The following ARHGAP9 variants were observed in gnomAD, a reference collection of about 807,000 sequenced individuals.
ARHGAP9 encodes rho GTPase-activating protein 9.
In ARHGAP9, 76 loss-of-function variants were observed where a neutral mutation model predicts 87.3. The observed-to-expected ratio is 0.87, with a 90% CI of 0.72 to 1.05. The LOEUF (loss-of-function observed/expected upper bound fraction) is 1.05, where lower values mean the gene tolerates loss of function less well. Ranked by LOEUF, ARHGAP9 falls within the 50% of genes least tolerant of loss-of-function variation. The pLI is 0.00. For synonymous variants in ARHGAP9, 382 were observed against 394.9 expected, an observed-to-expected ratio of 0.97 and a Z score of 0.39; for missense variants, 941 against 960.5, an observed-to-expected ratio of 0.98 and a Z score of 0.27.
At chr12:57,483,249 T>C (rs2139975954), upstream of ARHGAP9, among the ~76,000 whole-genome samples, 1 of 152,326 alleles carries the variant, frequency 6.6e-6, no homozygotes, top group South Asian at 2.1e-4. Flanking sequence ...GCAGCCAACC[T>C]GAATTTATCT....
intron 3 of ARHGAP9, 124 bp downstream of exon 3, chr12:57,478,416 G>C (rs1874516779): frequency 1.1e-5 from 11 of 993,894 alleles, no homozygotes; most frequent in Non-Finnish European, 1.7e-5. Flanking sequence ...CTTATCAGTA[G>C]TACCAAGCGT....
chr12:57,478,855 C>T, intron 2 of ARHGAP9, 98 bp from the exon 3 acceptor site: 1 of 1,241,188 alleles, frequency 8.1e-7, no homozygotes, highest in Non-Finnish European at 1.1e-6. Flanking sequence ...ACAAGAAGGG[C>T]AGAGGGAGGA....
intron 3 of ARHGAP9, 153 bp from the exon 4 acceptor site, chr12:57,477,833 G>A (rs71461326): frequency 1.4e-6 from 2 of 1,467,084 alleles, no homozygotes; most frequent in African/African-American, 2.9e-5. Flanking sequence ...AGAAACCTCA[G>A]GCCCCAGCTG....
Position 57,473,693 on chromosome 12 carries a change from T to G in ARHGAP9, c.1934A>C (p.Glu645Ala). 1.2e-6 allele frequency: 2 copies of G among 1,613,934 alleles called. No individual in the cohort carries two copies. The highest frequency in any genetic ancestry group is 1.7e-6 in the Non-Finnish European group (2 of 1,179,814). ...FRAALALSES[E>A]QCLSQIQELI... Reference sequence around the variant, plus strand: ...TTCTTGTATCTGAGAGAGGCACTGCTCTGATTCGGAGAGTGCTAGAGAGAG... The same window carrying G: ...TTCTTGTATCTGAGAGAGGCACTGCGCTGATTCGGAGAGTGCTAGAGAGAG... Residue 645 changes from glutamate to alanine, a missense_variant, in exon 17 of 18, where the codon GAG becomes GCG. By Grantham distance (107) the Glu-to-Ala change is moderately radical. Coordinates refer to ENST00000393791, the MANE Select transcript of ARHGAP9 (RefSeq NM_032496.4).
Position 57,477,681 on chromosome 12 carries a change from C to A in ARHGAP9, c.535-1G>T, listed in dbSNP as rs769036038. 5.6e-6 allele frequency: 9 copies of A among 1,610,928 alleles called. No homozygotes were observed. The highest frequency in any genetic ancestry group is 1.3e-5 in the African/African-American group (1 of 74,924). On this transcript the variant is annotated splice_acceptor_variant, in intron 3 of 17. Coordinates refer to ENST00000393791, the MANE Select transcript of ARHGAP9 (RefSeq NM_032496.4). LOFTEE classifies it high-confidence loss of function. ...CTGACATGAGGGGCTGGGGGCCTGC[C>A]TGCCAGAAAAGGGGGAAGAAGGAGG...
Position 57,488,289 on chromosome 12 carries a change from C to A in ARHGAP9, c.-204+323G>T, listed in dbSNP as rs1875614026. The A allele has an allele frequency of 3.2e-6, 4 of 1,232,062 alleles. No homozygotes were observed. In the Admixed American group the frequency reaches 5.6e-5, roughly 17 times the overall value. 76.3% of individuals were successfully genotyped at this position (1,232,062 alleles called of 1,614,324 possible). ...GCAGCTGTCTTTGCCAAACCCCTAG[C>A]CCTCGCCACACACCCCAATCGACCA... is the stretch of plus-strand genomic sequence containing the variant. On this transcript the variant is annotated intron_variant, in intron 1 of 20. Coordinates refer to the ARHGAP9 transcript ENST00000393797.
At chr12:57,484,683 T>C (rs1248768657), upstream of ARHGAP9, among the ~76,000 whole-genome samples, 3 of 152,156 alleles carry the variant, frequency 2.0e-5, no homozygotes, top group African/African-American at 4.8e-5. Context: ...TCTCGTTCTG[T>C]TGCCAGCCTG....
chr12:57,485,679 C>G (rs996747465), intron 1 of ARHGAP9, among the ~76,000 whole-genome samples: 2 of 152,000 alleles, frequency 1.3e-5, no homozygotes, highest in Admixed American at 6.5e-5. Flanking sequence ...TGGGCCTGGC[C>G]TAGTTTTTTG....
At position 57,488,777 on chromosome 12, in the gene ARHGAP9, C is replaced by T. The variant is rs539374948; in HGVS notation, c.-369G>A. On this transcript the variant is annotated 5_prime_UTR_variant, in exon 1 of 21. Coordinates refer to the ARHGAP9 transcript ENST00000393797. ...CTTGGCTGCAGCACTATCCCAATAC[C>T]ACCACCTCCTCTGCAGTCCCCATCT... 176 of 965,506 alleles carry T rather than the reference C, an allele frequency of 1.8e-4. No individual in the cohort carries two copies. In the African/African-American group the frequency reaches 2.5e-3, roughly 14 times the overall value. The allele number at this position is 965,506 out of a possible 1,614,324, so 59.8% of individuals were successfully genotyped here.
intron 10 of ARHGAP9, 61 bp from the exon 11 acceptor site, chr12:57,475,676 G>C: frequency 1.9e-6 from 3 of 1,578,474 alleles, no homozygotes; most frequent in Admixed American, 1.8e-5. Flanking sequence ...TCCCTAGCTG[G>C]ACTCTGACCC....
chr12:57,478,424 C>T (rs1594789469), intron 3 of ARHGAP9, 116 bp downstream of exon 3: 2 of 1,058,600 alleles, frequency 1.9e-6, no homozygotes, highest in Non-Finnish European at 2.8e-6. Context: ...TAGTACCAAG[C>T]GTTATCTTAT....
At chr12:57,472,710 G>C (rs975180682) in intron 17 of ARHGAP9, 22 bp from the exon 18 acceptor site, 1 of 1,613,396 alleles carries the variant, frequency 6.2e-7, no homozygotes, top group African/African-American at 1.3e-5. Context: ...GGCCAAGGAA[G>C]GGGATATATG....
At chr12:57,474,234 G>C in intron 15 of ARHGAP9, 58 bp from the exon 16 acceptor site, 1 of 1,592,252 alleles carries the variant, frequency 6.3e-7, no homozygotes, top group Non-Finnish European at 8.6e-7. Flanking sequence ...TAGAGACTGA[G>C]AGATTAGAAG....
chr12:57,477,653 G>A lies in ARHGAP9; in HGVS notation c.562C>T (p.Pro188Ser). The part of the protein sequence containing the change: ...TAGPQPLMSE[P>S]PVYCNLVDLR... Reference sequence around the variant, plus strand: ...TCCACCAGGTTACAGTACACAGGGGGCTCTGACATGAGGGGCTGGGGGCCT... The same window carrying A: ...TCCACCAGGTTACAGTACACAGGGGACTCTGACATGAGGGGCTGGGGGCCT... The change falls in exon 4 of 18, where the codon CCC (proline) becomes TCC (serine). Residue 188 changes from proline to serine, a missense_variant. Pro to Ser is a moderately conservative substitution (Grantham distance 74). Transcript: ENST00000393791. 3 of 1,612,738 alleles carry A rather than the reference G, an allele frequency of 1.9e-6. No homozygotes were observed. The highest frequency in any genetic ancestry group is 2.5e-6 in the Non-Finnish European group (3 of 1,179,196).
chr12:57,488,222 G>A (rs1372616713), intron 1 of ARHGAP9: 13 of 1,597,190 alleles, frequency 8.1e-6, no homozygotes, highest in Non-Finnish European at 1.0e-5. Flanking sequence ...GTGCTGGTGG[G>A]CGGTGGATGG....
intron 9 of ARHGAP9, 34 bp from the exon 10 acceptor site, chr12:57,475,965 G>A (rs902147024): frequency 2.5e-6 from 4 of 1,596,420 alleles, no homozygotes; most frequent in Non-Finnish European, 3.4e-6. Flanking sequence ...TCGGGTCAAC[G>A]GGAAGGAGTA....
At chr12:57,480,036 A>G, upstream of ARHGAP9, 1 of 985,448 alleles carries the variant, frequency 1.0e-6, no homozygotes, top group Non-Finnish European at 1.2e-6. Context: ...GAGAAAGACA[A>G]AGTGGGAGAA....
At chr12:57,488,435 C>T (rs1875634124) in intron 1 of ARHGAP9, 2 of 877,240 alleles carry the variant, frequency 2.3e-6, no homozygotes, top group African/African-American at 1.7e-5. Context: ...CTTCCGTCTT[C>T]CCGGTCCCCG....
At chr12:57,476,233 G>T in intron 8 of ARHGAP9, 67 bp from the exon 9 acceptor site, 1 of 1,494,090 alleles carries the variant, frequency 6.7e-7, no homozygotes, top group Non-Finnish European at 9.0e-7. Context: ...TCCCCGGTGG[G>T]CTGTGAGGAG....
Sources: gnomAD v4.1 joint callset for allele counts (sites outside exome capture counted in the v4.1 genomes callset) on GRCh38, gnomAD v4.1.1 for gene constraint, MANE v1.5 for transcripts, NCBI Gene and HGNC (gene_info 2026-07-23, HGNC 2026-07-21) for gene names.